CFAP119: variants seen among roughly 807,000 people sequenced by gnomAD.
The protein encoded by CFAP119 is cilia and flagella associated protein 119, also known as cilia- and flagella-associated protein 119.
At chr16:30,758,478 A>G in the CFAP119 span, 1 of 178,018 alleles carries the variant, frequency 5.6e-6, no homozygotes, top group East Asian at 1.6e-4. Context: ...CCATCAACCC[A>G]TCATATAGGT....
At chr16:30,760,252 G>A in the CFAP119 span, 2 of 1,613,932 alleles carry the variant, frequency 1.2e-6, no homozygotes, top group Non-Finnish European at 1.7e-6. Flanking sequence ...TCTTCTCCCT[G>A]GGGCTCAAAC....
chr16:30,759,152 A>T, the CFAP119 span: 1 of 1,614,188 alleles, frequency 6.2e-7, no homozygotes. Flanking sequence ...GGCCCAGCCC[A>T]GCCCTGCCCT....
At chr16:30,757,742 A>G in the CFAP119 span, 707 of 1,496,004 alleles carry the variant, frequency 4.7e-4, 6 homozygotes, top group South Asian at 5.2e-3. Context: ...ACAGTCCCCA[A>G]ATTTCCCCTG....
At chr16:30,762,000 G>T in the CFAP119 span, 1 of 539,060 alleles carries the variant, frequency 1.9e-6, no homozygotes, top group Non-Finnish European at 3.2e-6. Flanking sequence ...CGAAGAGAAC[G>T]CGCAGATACG....
chr16:30,759,216 C>A, the CFAP119 span: 3 of 1,614,146 alleles, frequency 1.9e-6, no homozygotes, highest in South Asian at 1.1e-5. Context: ...TGGCTGTAGC[C>A]CCATGTAAGT....
At chr16:30,759,474 G>C in the CFAP119 span, 2 of 1,614,004 alleles carry the variant, frequency 1.2e-6, no homozygotes, top group Non-Finnish European at 1.7e-6. Flanking sequence ...GTGGTGACTC[G>C]GAATTAGAAC....
the CFAP119 span, chr16:30,760,953 C>CT: frequency 1.6e-6 from 1 of 610,836 alleles, no homozygotes; most frequent in South Asian, 2.0e-5. Flanking sequence ...GTGTCCCCCT[C>CT]TGTACAATAC....
the CFAP119 span, chr16:30,761,234 G>A: frequency 1.1e-4 from 175 of 1,613,672 alleles, no homozygotes; most frequent in African/African-American, 2.1e-3. Context: ...CGGCGGCTGC[G>A]GAAAGAAAGC....
At chr16:30,761,705 T>G in the CFAP119 span, 1 of 1,533,102 alleles carries the variant, frequency 6.5e-7, no homozygotes, top group South Asian at 1.2e-5. Flanking sequence ...AAGCTCCGAC[T>G]GCACCCTCAT....
the CFAP119 span, chr16:30,759,938 C>A: frequency 1.5e-5 from 21 of 1,441,724 alleles, no homozygotes; most frequent in Admixed American, 1.1e-4. Context: ...AGGTCCTGCC[C>A]TTACGAAGCT....
At chr16:30,757,917 C>A in the CFAP119 span, 2 of 844,710 alleles carry the variant, frequency 2.4e-6, no homozygotes, top group Non-Finnish European at 3.3e-6. Flanking sequence ...CCTATCTGTG[C>A]CTCAGTTTCC....
At chr16:30,760,078 G>T in the CFAP119 span, 1 of 1,535,626 alleles carries the variant, frequency 6.5e-7, no homozygotes, top group Admixed American at 2.0e-5. Context: ...TTATTTCTCA[G>T]AACAGTCCTG....
the CFAP119 span, chr16:30,759,588 A>T: frequency 6.2e-7 from 1 of 1,614,116 alleles, no homozygotes; most frequent in East Asian, 2.2e-5. Flanking sequence ...GATGAATGTG[A>T]GAGAGACTGG....
the CFAP119 span, chr16:30,757,867 C>G: frequency 7.4e-7 from 1 of 1,346,110 alleles, no homozygotes; most frequent in Non-Finnish European, 9.7e-7. Context: ...AAATTCTGAT[C>G]CCTACTCAGT....
At chr16:30,757,636 C>A in the CFAP119 span, 10 of 1,613,254 alleles carry the variant, frequency 6.2e-6, no homozygotes. Flanking sequence ...GATGTAGGCT[C>A]GGAGGACGTG....
At chr16:30,759,726 TG>T in the CFAP119 span, 1 of 1,605,826 alleles carries the variant, frequency 6.2e-7, no homozygotes, top group Non-Finnish European at 8.5e-7. Context: ...AGGGGGTTGC[TG>T]GTAGGGAAAG....
the CFAP119 span, chr16:30,759,206 TG>T: frequency 6.2e-7 from 1 of 1,614,186 alleles, no homozygotes; most frequent in Non-Finnish European, 8.5e-7. Context: ...ACAGTTTGGG[TG>T]GCTGTAGCCC....
the CFAP119 span, chr16:30,761,663 C>G: frequency 6.5e-7 from 1 of 1,535,912 alleles, no homozygotes; most frequent in Non-Finnish European, 8.7e-7. Context: ...GCGATCCTTC[C>G]CCGCTTCCCG....
the CFAP119 span, chr16:30,761,511 T>G: frequency 3.3e-6 from 5 of 1,535,040 alleles, no homozygotes; most frequent in Non-Finnish European, 2.6e-6. Flanking sequence ...GGTTTATAAA[T>G]ATTCACGAGC....
Sources: gnomAD v4.1 joint callset for allele counts on GRCh38, gnomAD v4.1.1 for gene constraint, MANE v1.5 for transcripts, NCBI Gene and HGNC (gene_info 2026-07-23, HGNC 2026-07-21) for gene names.